Variants in KLF8 observed in about 807,000 individuals in gnomAD.
The protein encoded by KLF8 is Krueppel-like factor 8.
A neutral mutation model predicts 18.2 loss-of-function variants in KLF8; 10 were observed. The observed-to-expected ratio is 0.55, with a 90% confidence interval of 0.34 to 0.93. The LOEUF is 0.93. Ranked by LOEUF, KLF8 falls within the 40% of genes least tolerant of loss-of-function variation. The pLI is 0.02. For missense variants in KLF8, 264 were observed against 277.9 expected (o/e 0.95, Z 0.36); for synonymous variants, 109 against 97.3 (o/e 1.12, Z -0.71).
At chrX:56,051,313 G>A in the KLF8 span, among the ~76,000 whole-genome samples, 6 of 109,839 alleles carry the variant, frequency 5.5e-5, no homozygotes, top group African/African-American at 2.0e-4. Flanking sequence ...CTGTCATTAT[G>A]ATGTTAGCTG....
the KLF8 span, among the ~76,000 whole-genome samples, chrX:55,965,240 A>C: frequency 8.9e-6 from 1 of 112,507 alleles, no homozygotes; most frequent in Admixed American, 9.4e-5. Flanking sequence ...ATCAACATAT[A>C]CAAATCTATA....
chrX:56,154,649 C>A, the KLF8 span, among the ~76,000 whole-genome samples: 25 of 111,935 alleles, frequency 2.2e-4, no homozygotes, highest in African/African-American at 8.1e-4. Flanking sequence ...AAAGAAACTA[C>A]CATCAGAGTG....
At chrX:56,131,826 G>A in the KLF8 span, among the ~76,000 whole-genome samples, 1 of 111,704 alleles carries the variant, frequency 9.0e-6, no homozygotes, top group South Asian at 3.7e-4. Flanking sequence ...AAAGCAAGCA[G>A]GATTAGCTAT....
chrX:56,058,501 ACCCACC>A, the KLF8 span, among the ~76,000 whole-genome samples: 1 of 48,884 alleles, frequency 2.0e-5, no homozygotes, highest in African/African-American at 6.9e-5. Flanking sequence ...TGCCACCCCC[ACCCACC>A]CCCACCGCCA....
At chrX:55,960,668 AAAG>A in the KLF8 span, among the ~76,000 whole-genome samples, 8 of 111,405 alleles carry the variant, frequency 7.2e-5, no homozygotes, top group Non-Finnish European at 1.3e-4. Flanking sequence ...GAAGAAGAAG[AAAG>A]AAGAAGCTCT....
intron 5 of KLF8, among the ~76,000 whole-genome samples, chrX:56,273,987 A>C (rs980397704): frequency 8.9e-6 from 1 of 112,262 alleles, no homozygotes; most frequent in East Asian, 2.8e-4. Flanking sequence ...TAAACATGAG[A>C]GTGCAGATAT....
At chrX:56,088,757 G>A in the KLF8 span, among the ~76,000 whole-genome samples, 4 of 111,017 alleles carry the variant, frequency 3.6e-5, no homozygotes, top group Non-Finnish European at 7.5e-5. Context: ...CTTTCTCACT[G>A]GGCCATGTTA....
the KLF8 span, among the ~76,000 whole-genome samples, chrX:55,990,904 G>A: frequency 8.9e-6 from 1 of 112,062 alleles, no homozygotes; most frequent in South Asian, 3.7e-4. Flanking sequence ...GTGTCAGTCT[G>A]CCCCTATTGG....
the KLF8 span, among the ~76,000 whole-genome samples, chrX:56,137,451 T>C: frequency 3.8e-5 from 4 of 105,964 alleles, no homozygotes; most frequent in South Asian, 1.3e-3. Context: ...TCATGTCCTT[T>C]GTAGGGACAT....
the KLF8 span, among the ~76,000 whole-genome samples, chrX:56,201,397 A>C: frequency 2.7e-5 from 3 of 111,734 alleles, no homozygotes; most frequent in Non-Finnish European, 3.8e-5. Context: ...TTATTCGATG[A>C]ATCTAAAACA....
chrX:56,059,894 G>A, the KLF8 span, among the ~76,000 whole-genome samples: 3 of 111,851 alleles, frequency 2.7e-5, no homozygotes, highest in East Asian at 2.8e-4. Flanking sequence ...GTGAAAAAAG[G>A]CAATGGTAGC....
chrX:56,262,261 A>G (rs2066891975), intron 2 of KLF8, among the ~76,000 whole-genome samples: 1 of 112,051 alleles, frequency 8.9e-6, no homozygotes, highest in Non-Finnish European at 1.9e-5. Flanking sequence ...GTAACACTGT[A>G]TCTCATCAAG....
the KLF8 span, among the ~76,000 whole-genome samples, chrX:56,203,218 A>G: frequency 8.9e-6 from 1 of 112,140 alleles, no homozygotes; most frequent in South Asian, 3.7e-4. Context: ...TGCTATTTGT[A>G]TGTCTTCCTT....
In KLF8 at chrX:56,270,373, C is replaced by G. The variant is rs1569188820; in HGVS notation, c.898+52C>G. 7 of 1,041,085 alleles carry G rather than the reference C, an allele frequency of 6.7e-6. No homozygotes were observed. The African/African-American group carries it at 1.5e-4, about 22-fold the overall frequency. The allele number at this position is 1,041,085 out of a possible 1,213,427, so 85.8% of individuals were successfully genotyped here. On this transcript the variant is annotated intron_variant, in intron 5 of 5. Transcript: ENST00000468660. ...ACACACACACACACACACACACACA[C>G]ACACACACGAGAGAGAGAGAGAGAG...
chrX:56,192,770 T>G, the KLF8 span, among the ~76,000 whole-genome samples: 3 of 112,569 alleles, frequency 2.7e-5, no homozygotes, highest in Non-Finnish European at 5.6e-5. Flanking sequence ...TGCAAAAGCA[T>G]GAAACCAGAC....
chrX:55,986,739 G>C, the KLF8 span, among the ~76,000 whole-genome samples: 1 of 111,668 alleles, frequency 9.0e-6, no homozygotes, highest in Non-Finnish European at 1.9e-5. Context: ...TGTACAAGTT[G>C]GTTACATGGG....
At chrX:56,032,484 C>G in the KLF8 span, among the ~76,000 whole-genome samples, 1 of 111,885 alleles carries the variant, frequency 8.9e-6, no homozygotes, top group African/African-American at 3.3e-5. Context: ...CTTTTGTAAT[C>G]AACTCCTCCC....
At chrX:56,156,491 G>C in the KLF8 span, among the ~76,000 whole-genome samples, 1 of 110,249 alleles carries the variant, frequency 9.1e-6, no homozygotes, top group East Asian at 2.9e-4. Flanking sequence ...TGACATATTT[G>C]GTTTCCTGGT....
chrX:56,068,398 G>A, the KLF8 span, among the ~76,000 whole-genome samples: 1 of 111,173 alleles, frequency 9.0e-6, no homozygotes, highest in African/African-American at 3.3e-5. Context: ...CACCTGGATG[G>A]CAGAGCACAT....
Sources: gnomAD v4.1 joint callset for allele counts (sites outside exome capture counted in the v4.1 genomes callset) on GRCh38, gnomAD v4.1.1 for gene constraint, MANE v1.5 for transcripts, NCBI Gene and HGNC (gene_info 2026-07-23, HGNC 2026-07-21) for gene names.